Variants in ADAMTS19 observed in about 807,000 individuals in gnomAD.
ADAMTS19 encodes ADAM metallopeptidase with thrombospondin type 1 motif 19.
In ADAMTS19, 93 loss-of-function variants were observed where a neutral mutation model predicts 153.3. That is an observed-to-expected ratio of 0.61 (90% confidence interval 0.51 to 0.72). The LOEUF is 0.72. Ranked by LOEUF, ADAMTS19 falls within the 30% of genes least tolerant of loss-of-function variation. The probability of loss-of-function intolerance (pLI) is 0.00; values close to 1 mark genes in which losing one functional copy is unlikely to be tolerated. For missense variants in ADAMTS19, 1,482 were observed against 1,552.1 expected, an observed-to-expected ratio of 0.95 and a Z score of 0.76; for synonymous variants, 600 against 556.6, an observed-to-expected ratio of 1.08 and a Z score of -1.10.
intron 21 of ADAMTS19, among the ~76,000 whole-genome samples, chr5:129,719,272 T>C (rs1208544395): frequency 6.6e-6 from 1 of 152,226 alleles, no homozygotes; most frequent in Non-Finnish European, 1.5e-5. Context: ...AGGATGTGTT[T>C]AACATGCATA....
intron 2 of ADAMTS19, among the ~76,000 whole-genome samples, chr5:129,485,930 A>G (rs1488223007): frequency 6.6e-6 from 1 of 152,038 alleles, no homozygotes; most frequent in African/African-American, 2.4e-5. Context: ...AGCTGGGATT[A>G]CAGACGCCCA....
intron 15 of ADAMTS19, among the ~76,000 whole-genome samples, chr5:129,663,648 C>T (rs982156432): frequency 6.6e-6 from 1 of 152,214 alleles, no homozygotes; most frequent in Admixed American, 6.5e-5. Context: ...GCCTCCACTA[C>T]TCCTGGATTT....
intron 13 of ADAMTS19, among the ~76,000 whole-genome samples, chr5:129,650,348 T>A (rs916306113): frequency 6.6e-6 from 1 of 152,128 alleles, no homozygotes; most frequent in African/African-American, 2.4e-5. Context: ...GTTACACTCT[T>A]CTCAATAACC....
At chr5:129,613,566 A>G (rs370023553) in intron 8 of ADAMTS19, among the ~76,000 whole-genome samples, 1 of 151,990 alleles carries the variant, frequency 6.6e-6, no homozygotes, top group African/African-American at 2.4e-5. Context: ...AGCACTAAAT[A>G]CCCACAAGAG....
chr5:129,674,053 A>T (rs570850311), intron 16 of ADAMTS19, among the ~76,000 whole-genome samples: 2 of 152,170 alleles, frequency 1.3e-5, no homozygotes, highest in Admixed American at 1.3e-4. Flanking sequence ...CAATATGATA[A>T]AACCCTGTCT....
chr5:129,562,444 A>G (rs1355620230), intron 7 of ADAMTS19, among the ~76,000 whole-genome samples: 1 of 152,148 alleles, frequency 6.6e-6, no homozygotes, highest in African/African-American at 2.4e-5. Context: ...TTTACCTACC[A>G]TTACTTTGGC....
rs150260152 is a variant in ADAMTS19, at chr5:129,519,370, G to A, written c.914-6914G>A. ...AGATGTAAGACAAAGTCTTCCACAC[G>A]TTTCCCTCTCCCCTCCTCAAGCACA... On this transcript the variant is annotated intron_variant, in intron 3 of 22. Transcript: ENST00000274487. Among the ~76,000 whole-genome samples, 830 of 152,114 alleles carry A rather than the reference G, an allele frequency of 5.5e-3. 1 individual carries two copies. Among genetic ancestry groups the A allele is most frequent in the Non-Finnish European group, 7.4e-3 (506 of 68,000 alleles).
intron 6 of ADAMTS19, among the ~76,000 whole-genome samples, chr5:129,541,707 T>C (rs953317255): frequency 1.3e-5 from 2 of 152,058 alleles, no homozygotes; most frequent in African/African-American, 4.8e-5. Flanking sequence ...TTTATTTATC[T>C]CTGTTGTGTC....
At chr5:129,466,140 G>T (rs1749848443) in intron 2 of ADAMTS19, among the ~76,000 whole-genome samples, 1 of 152,134 alleles carries the variant, frequency 6.6e-6, no homozygotes, top group Non-Finnish European at 1.5e-5. Context: ...GCTTACCCAG[G>T]CCTGTGGGTG....
intron 10 of ADAMTS19, among the ~76,000 whole-genome samples, chr5:129,626,828 T>G (rs1752072850): frequency 6.6e-6 from 1 of 152,114 alleles, no homozygotes; most frequent in African/African-American, 2.4e-5. Context: ...ATATGTTAGT[T>G]GATGATAATT....
chr5:129,618,407 T>A (rs544371275), intron 8 of ADAMTS19, among the ~76,000 whole-genome samples: 83 of 152,116 alleles, frequency 5.5e-4, no homozygotes, highest in South Asian at 1.5e-3. Context: ...TTTAGTTTTA[T>A]TTATACCAGA....
Position 129,734,947 on chromosome 5 carries a change from G to A in ADAMTS19, c.3328G>A (p.Gly1110Ser), listed in dbSNP as rs1757599972. Residue 1110 changes from glycine (G) to serine (S), a missense_variant, in exon 22 of 23, where the codon GGC becomes AGC. By Grantham distance (56) the Gly-to-Ser change is moderately conservative. Transcript: ENST00000274487. ...TTTCTCCTAGTGCTCAATTACCTGT[G>A]GCAAAGGAATGCAGTCCCGTGTAAT... Reference protein sequence around the residue: ...GDWSKCSITCGKGMQSRVIQC... With the variant: ...GDWSKCSITCSKGMQSRVIQC... 1 of 1,580,904 alleles carries A rather than the reference G, an allele frequency of 6.3e-7. No homozygotes were observed. The highest frequency in any genetic ancestry group is 8.6e-7 in the Non-Finnish European group (1 of 1,166,840).
At chr5:129,678,392 G>A (rs1473663023) in intron 16 of ADAMTS19, among the ~76,000 whole-genome samples, 1 of 152,058 alleles carries the variant, frequency 6.6e-6, no homozygotes, top group African/African-American at 2.4e-5. Context: ...GTGTCAGCAT[G>A]TTGTAGTCAG....
At chr5:129,696,939 G>GTGC (rs1487351468) in intron 19 of ADAMTS19, among the ~76,000 whole-genome samples, 1 of 152,134 alleles carries the variant, frequency 6.6e-6, no homozygotes, top group Non-Finnish European at 1.5e-5. Flanking sequence ...TCCTTAAAAT[G>GTGC]TGCTGGACTC....
At chr5:129,577,124 C>T (rs547835073) in intron 7 of ADAMTS19, among the ~76,000 whole-genome samples, 1 of 152,098 alleles carries the variant, frequency 6.6e-6, no homozygotes, top group East Asian at 1.9e-4. Flanking sequence ...CTAATTCCTC[C>T]TCACCTGCCA....
chr5:129,526,133 C>G, intron 3 of ADAMTS19, 151 bp from the exon 4 acceptor site: 1 of 571,668 alleles, frequency 1.7e-6, no homozygotes, highest in Non-Finnish European at 2.9e-6. Context: ...TTCAGTCTGT[C>G]TCATTCTAAA....
At chr5:129,495,142 C>T (rs1750888486) in intron 2 of ADAMTS19, among the ~76,000 whole-genome samples, 1 of 151,894 alleles carries the variant, frequency 6.6e-6, no homozygotes, top group South Asian at 2.1e-4. Context: ...TATTATTGTA[C>T]ATTTCTGAAG....
At chr5:129,709,520 A>T (rs926940153) in intron 21 of ADAMTS19, among the ~76,000 whole-genome samples, 1 of 152,090 alleles carries the variant, frequency 6.6e-6, no homozygotes, top group African/African-American at 2.4e-5. Context: ...AGTTGTTAGC[A>T]CTCTAATTGT....
At chr5:129,574,280 T>C (rs1754018997) in intron 7 of ADAMTS19, among the ~76,000 whole-genome samples, 1 of 152,098 alleles carries the variant, frequency 6.6e-6, no homozygotes. Context: ...CTAACTTTTT[T>C]TTCGGCATTT....
Sources: allele counts gnomAD v4.1 joint callset (sites outside exome capture counted in the v4.1 genomes callset), GRCh38; gene constraint gnomAD v4.1.1; transcripts MANE v1.5; gene names NCBI Gene and HGNC (gene_info 2026-07-23, HGNC 2026-07-21).